The following COL25A1 variants were observed in gnomAD, a reference collection of about 807,000 sequenced individuals.
COL25A1 encodes the protein collagen alpha-1(XXV) chain.
COL25A1 carries 103 observed loss-of-function variants against 128.4 expected under a neutral mutation model. The ratio of observed to expected loss-of-function variants is 0.80; its 90% CI spans 0.68 to 0.94. The LOEUF (loss-of-function observed/expected upper bound fraction) is 0.94, where lower values mean the gene tolerates loss of function less well. COL25A1 is among the 40% of genes least tolerant of loss of function. The pLI is 0.00. For missense variants in COL25A1, 745 were observed against 840.0 expected (o/e 0.89, Z 1.40); for synonymous variants, 279 against 277.2 (o/e 1.01, Z -0.06).
In COL25A1 at chr4:109,026,513, G is replaced by A. The variant is rs182886425; in HGVS notation, c.421-16138C>T. Reference sequence around the variant, plus strand: ...AACTCTGGTTATTAACGACTGCCTGGAATAACATGTTTAAAGGTTCAGAGG... The same window carrying A: ...AACTCTGGTTATTAACGACTGCCTGAAATAACATGTTTAAAGGTTCAGAGG... On this transcript the variant is annotated intron_variant, in intron 5 of 37. Coordinates refer to ENST00000399132, the MANE Select transcript of COL25A1 (RefSeq NM_198721.4). Among the ~76,000 whole-genome samples the A allele has an allele frequency of 2.8e-3, 423 of 152,316 alleles. 1 individual carries two copies. Among genetic ancestry groups the A allele is most frequent in the Non-Finnish European group, 5.4e-3 (364 of 68,024 alleles).
intron 6 of COL25A1, among the ~76,000 whole-genome samples, chr4:109,005,337 T>C (rs1270766846): frequency 6.6e-6 from 1 of 152,076 alleles, no homozygotes; most frequent in African/African-American, 2.4e-5. Context: ...ACCCCTATGA[T>C]CCAATCACCT....
Position 108,902,481 on chromosome 4 carries a change from T to C in COL25A1, c.781-1309A>G, listed in dbSNP as rs934147350. ...AATGTATCTAGGAATTGGGAGAGAG[T>C]AGATGATGAATATTTCTATCTTAAT... On this transcript the variant is annotated intron_variant, in intron 13 of 37. Coordinates refer to ENST00000399132, the MANE Select transcript of COL25A1 (RefSeq NM_198721.4). 4.6e-5 allele frequency among the ~76,000 whole-genome samples: 7 copies of C among 151,684 alleles called. No homozygotes were observed. The East Asian group carries it at 1.4e-3, about 29-fold the overall frequency.
chr4:108,936,844 G>A (rs920417241), intron 11 of COL25A1, among the ~76,000 whole-genome samples: 9 of 148,418 alleles, frequency 6.1e-5, no homozygotes, highest in South Asian at 2.2e-4. Context: ...GGGTCTCACC[G>A]TGTTACCCAG....
chr4:109,243,761 A>C (rs898198246), intron 3 of COL25A1, among the ~76,000 whole-genome samples: 1 of 152,090 alleles, frequency 6.6e-6, no homozygotes, highest in African/African-American at 2.4e-5. Context: ...GGAATGAAAT[A>C]GCCACTTTGA....
intron 3 of COL25A1, among the ~76,000 whole-genome samples, chr4:109,187,016 G>A (rs1439586683): frequency 6.6e-6 from 1 of 152,126 alleles, no homozygotes; most frequent in African/African-American, 2.4e-5. Context: ...CAACCCTTAG[G>A]GGTATGATTT....
chr4:109,143,524 C>T (rs1000441473), intron 3 of COL25A1, among the ~76,000 whole-genome samples: 3 of 152,122 alleles, frequency 2.0e-5, no homozygotes, highest in Admixed American at 6.5e-5. Flanking sequence ...CCATTCTCCC[C>T]GTCACTTTCA....
chr4:109,048,725 T>C (rs1760700758), intron 4 of COL25A1, among the ~76,000 whole-genome samples: 1 of 152,138 alleles, frequency 6.6e-6, no homozygotes, highest in Non-Finnish European at 1.5e-5. Flanking sequence ...TCACACACCA[T>C]TATGCTCAAT....
intron 3 of COL25A1, among the ~76,000 whole-genome samples, chr4:109,097,572 C>T (rs575682230): frequency 6.6e-6 from 1 of 151,774 alleles, no homozygotes; most frequent in South Asian, 2.1e-4. Context: ...CAGATGGCAC[C>T]ATAGCACTCC....
At chr4:108,873,032 A>C (rs1738958836) in intron 19 of COL25A1, among the ~76,000 whole-genome samples, 1 of 151,996 alleles carries the variant, frequency 6.6e-6, no homozygotes. Flanking sequence ...AGCTTGGACT[A>C]TAGTTGTGCA....
At chr4:108,914,784 G>T (rs577008665) in intron 13 of COL25A1, among the ~76,000 whole-genome samples, 1 of 151,262 alleles carries the variant, frequency 6.6e-6, no homozygotes, top group Non-Finnish European at 1.5e-5. Flanking sequence ...CTCCCAAAGC[G>T]TTGGGATTAC....
At position 108,808,746 on chromosome 4, in the gene COL25A1, C is replaced by A. The variant is rs77693557; in HGVS notation, c.*5181G>T. 6.6e-6 allele frequency: 1 copy of A among 152,172 alleles called. No homozygotes were observed. Among genetic ancestry groups the A allele is most frequent in the Non-Finnish European group, 1.5e-5 (1 of 67,986 alleles). The allele number at this position is 152,172 out of a possible 1,614,324, so 9.4% of individuals were successfully genotyped here. On this transcript the variant is annotated 3_prime_UTR_variant, in exon 38 of 38. Coordinates refer to ENST00000399132, the MANE Select transcript of COL25A1 (RefSeq NM_198721.4). ...AAGGTTTTCATGAACATCAATAAAGCTTTATAACAATACAATTCATTATCA... is the reference window on the plus strand; with the variant it reads ...AAGGTTTTCATGAACATCAATAAAGATTTATAACAATACAATTCATTATCA...
intron 3 of COL25A1, among the ~76,000 whole-genome samples, chr4:109,118,763 T>C (rs1325026689): frequency 1.3e-5 from 2 of 151,992 alleles, no homozygotes; most frequent in Non-Finnish European, 2.9e-5. Flanking sequence ...AAGAAATATA[T>C]TAATCCATTA....
At position 108,904,079 on chromosome 4, in the gene COL25A1, C is replaced by G. The variant is rs559742838; in HGVS notation, c.781-2907G>C. The stretch of plus-strand genomic sequence containing the variant: ...ACAGAGCATTCTGTTACTGTCCACA[C>G]TTAGTTTCCCAGGTTCTGTGAAAAG... On this transcript the variant is annotated intron_variant, in intron 13 of 37. Coordinates refer to ENST00000399132, the MANE Select transcript of COL25A1 (RefSeq NM_198721.4). 2.0e-5 allele frequency among the ~76,000 whole-genome samples: 3 copies of G among 152,170 alleles called. No homozygotes were observed. The South Asian group carries it at 6.2e-4, about 31-fold the overall frequency.
chr4:108,965,513 A>T (rs964922359), intron 8 of COL25A1, among the ~76,000 whole-genome samples: 1 of 152,226 alleles, frequency 6.6e-6, no homozygotes, highest in South Asian at 2.1e-4. Context: ...ATTCCATTTT[A>T]AAAAGTCATT....
In COL25A1 at chr4:108,985,721, A is replaced by G. The variant is rs144513319; in HGVS notation, c.439-11162T>C. 2.5e-3 allele frequency among the ~76,000 whole-genome samples: 375 copies of G among 152,296 alleles called. 1 individual carries two copies. The highest frequency in any genetic ancestry group is 8.6e-3 in the African/African-American group (359 of 41,572). On this transcript the variant is annotated intron_variant, in intron 6 of 37. Transcript: ENST00000399132. ...GTTGACAAAACCTGTAAACATTCAG[A>G]TTGCCCAAGTTTGTGTCTAAACCTT...
chr4:109,060,563 C>T (rs1761871008), intron 3 of COL25A1, among the ~76,000 whole-genome samples: 1 of 151,930 alleles, frequency 6.6e-6, no homozygotes, highest in Non-Finnish European at 1.5e-5. Flanking sequence ...AGTAAACATT[C>T]TTTAGATGTT....
At chr4:108,929,764 T>A (rs1026941065) in intron 11 of COL25A1, among the ~76,000 whole-genome samples, 2 of 152,006 alleles carry the variant, frequency 1.3e-5, no homozygotes, top group African/African-American at 4.8e-5. Context: ...AGTTTGAGGC[T>A]GAGGTGAGCT....
At chr4:109,246,993 A>G (rs1484761532) in intron 3 of COL25A1, among the ~76,000 whole-genome samples, 1 of 152,212 alleles carries the variant, frequency 6.6e-6, no homozygotes, top group Non-Finnish European at 1.5e-5. Flanking sequence ...CCTAAAACAA[A>G]AAGGCTTGAT....
At chr4:109,055,343 A>C (rs1761361688) in intron 3 of COL25A1, among the ~76,000 whole-genome samples, 2 of 152,152 alleles carry the variant, frequency 1.3e-5, no homozygotes, top group African/African-American at 4.8e-5. Flanking sequence ...TGCCATACTG[A>C]ATTGCAACCA....
Sources: allele counts gnomAD v4.1 joint callset (sites outside exome capture counted in the v4.1 genomes callset), GRCh38; gene constraint gnomAD v4.1.1; transcripts MANE v1.5; gene names NCBI Gene and HGNC (gene_info 2026-07-23, HGNC 2026-07-21).